Variants in WAC observed in about 807,000 individuals in gnomAD.
WAC encodes WW domain containing adaptor with coiled-coil.
WAC carries 11 observed loss-of-function variants against 79.6 expected under a neutral mutation model. The observed-to-expected ratio is 0.14, with a 90% CI of 0.09 to 0.23. WAC has a LOEUF of 0.23. WAC is among the 10% of genes least tolerant of loss of function. WAC has a pLI of 1.00. For missense variants in WAC, 728 were observed against 773.5 expected (o/e 0.94, Z 0.70); for synonymous variants, 304 against 276.9 (o/e 1.10, Z -0.97).
At chr10:28,614,742 AT>A in intron 11 of WAC, 57 bp downstream of exon 11, 1 of 1,305,904 alleles carries the variant, frequency 7.7e-7, no homozygotes, top group Non-Finnish European at 1.1e-6. Flanking sequence ...GGTACACTGC[AT>A]TGTTTGAATA....
intron 8 of WAC, among the ~76,000 whole-genome samples, chr10:28,610,194 A>G (rs767121752): frequency 7.2e-5 from 11 of 152,016 alleles, no homozygotes; most frequent in Admixed American, 2.0e-4. Context: ...CAGCCTCCCA[A>G]AGTGCTGGGT....
chr10:28,578,358 C>G (rs978934278), intron 3 of WAC, among the ~76,000 whole-genome samples: 3 of 152,052 alleles, frequency 2.0e-5, no homozygotes, highest in African/African-American at 7.2e-5. Context: ...ACAGATATAC[C>G]TGTTCCTTCC....
rs1361962525 is a variant in WAC at position 28,583,380 on chromosome 10, T to C, written c.275-19T>C. 1 of 1,538,432 alleles carries C rather than the reference T, an allele frequency of 6.5e-7. No homozygotes were observed. Among genetic ancestry groups the C allele is most frequent in the Non-Finnish European group, 8.8e-7 (1 of 1,136,498 alleles). On this transcript the variant is annotated intron_variant, in intron 3 of 13. Transcript: ENST00000354911. ...AATACAGTTTACTTGTAATTCACTT[T>C]GTTCTTTATTTTTTTAAGGGACCAG...
At chr10:28,542,064 C>T (rs764615025) in intron 3 of WAC, among the ~76,000 whole-genome samples, 3 of 152,164 alleles carry the variant, frequency 2.0e-5, no homozygotes, top group Non-Finnish European at 4.4e-5. Context: ...CTACTATCTT[C>T]CCCTTGTTTG....
chr10:28,545,891 T>G (rs1004292327), intron 3 of WAC, among the ~76,000 whole-genome samples: 1 of 152,244 alleles, frequency 6.6e-6, no homozygotes, highest in Non-Finnish European at 1.5e-5. Context: ...ACACCTCGTC[T>G]CTAGCATTAA....
At chr10:28,533,885 G>A in intron 1 of WAC, 113 bp from the exon 2 acceptor site, 1 of 1,352,842 alleles carries the variant, frequency 7.4e-7, no homozygotes, top group South Asian at 1.2e-5. Context: ...CTCGGCGCTG[G>A]GGCGCTCGGT....
intron 3 of WAC, among the ~76,000 whole-genome samples, chr10:28,580,647 C>T (rs1564398690): frequency 6.6e-6 from 1 of 152,046 alleles, no homozygotes; most frequent in African/African-American, 2.4e-5. Flanking sequence ...TCATGGAAAT[C>T]CCACTCTGCG....
intron 3 of WAC, among the ~76,000 whole-genome samples, chr10:28,565,484 T>G (rs1421588991): frequency 6.6e-6 from 1 of 152,196 alleles, no homozygotes; most frequent in Non-Finnish European, 1.5e-5. Flanking sequence ...GCAATCCTCT[T>G]GCCTCAGCCT....
At chr10:28,569,869 T>C (rs1042150775) in intron 3 of WAC, among the ~76,000 whole-genome samples, 16 of 152,226 alleles carry the variant, frequency 1.1e-4, no homozygotes, top group African/African-American at 3.6e-4. Flanking sequence ...GTTTAGGCAG[T>C]GTGGCAATAT....
At chr10:28,541,446 T>TA (rs1491220029) in intron 3 of WAC, among the ~76,000 whole-genome samples, 9 of 135,968 alleles carry the variant, frequency 6.6e-5, no homozygotes, top group African/African-American at 8.5e-5. Flanking sequence ...TTTTTTTTTT[T>TA]AAGACAGTCT....
rs541377525 is a variant in WAC at position 28,562,722 on chromosome 10, G to A, written c.275-20677G>A. Among the ~76,000 whole-genome samples, 233 of 152,314 alleles carry A rather than the reference G, an allele frequency of 1.5e-3. 1 individual carries two copies. The highest frequency in any genetic ancestry group is 2.4e-3 in the Non-Finnish European group (161 of 68,026). On this transcript the variant is annotated intron_variant, in intron 3 of 13. Coordinates refer to ENST00000354911, the MANE Select transcript of WAC (RefSeq NM_016628.5). ...AAACTAATTACATTATGGCTATACT[G>A]TAACCAAATATCAGATGTTGTATAA...
At chr10:28,572,161 A>AC (rs1446953201) in intron 3 of WAC, among the ~76,000 whole-genome samples, 2 of 125,576 alleles carry the variant, frequency 1.6e-5, no homozygotes, top group Non-Finnish European at 3.3e-5. Context: ...AGATGGTGAA[A>AC]CCCCATCTCT....
chr10:28,619,214 A>T (rs141194777), intron 13 of WAC, among the ~76,000 whole-genome samples: 2,920 of 152,300 alleles, frequency 0.019, 100 homozygotes, highest in African/African-American at 0.067. Context: ...CGGGAGGCGG[A>T]GATTGCAGTG....
intron 6 of WAC, among the ~76,000 whole-genome samples, chr10:28,595,342 AAAAG>A (rs1454658888): frequency 6.6e-6 from 1 of 152,206 alleles, no homozygotes; most frequent in Non-Finnish European, 1.5e-5. Flanking sequence ...CCTGTAGTGT[AAAAG>A]AACGAAGCAT....
intron 7 of WAC, among the ~76,000 whole-genome samples, chr10:28,603,963 A>ATG (rs1391815176): frequency 1.9e-3 from 20 of 10,450 alleles, no homozygotes; most frequent in South Asian, 4.3e-3. Context: ...GTATGTATGT[A>ATG]TATATATATA....
intron 10 of WAC, among the ~76,000 whole-genome samples, chr10:28,613,805 T>C (rs1841354692): frequency 1.3e-5 from 2 of 152,174 alleles, no homozygotes; most frequent in South Asian, 4.1e-4. Context: ...GCTTATATTT[T>C]AAACTGCTTT....
intron 3 of WAC, among the ~76,000 whole-genome samples, chr10:28,564,857 G>A (rs1021018713): frequency 6.6e-6 from 1 of 152,146 alleles, no homozygotes; most frequent in African/African-American, 2.4e-5. Context: ...TGCATGCAGT[G>A]TGTGTGTCTG....
intron 3 of WAC, among the ~76,000 whole-genome samples, chr10:28,538,723 C>A (rs140454997): frequency 1.3e-5 from 2 of 148,862 alleles, no homozygotes; most frequent in African/African-American, 2.5e-5. Context: ...GACCCTGTGT[C>A]TACTAAAAAA....
Position 28,572,464 on chromosome 10 carries a change from G to C in WAC, c.275-10935G>C, listed in dbSNP as rs146101014. Among the ~76,000 whole-genome samples, 273 of 152,154 alleles carry C rather than the reference G, an allele frequency of 1.8e-3. 1 individual carries two copies. The highest frequency in any genetic ancestry group is 6.3e-3 in the African/African-American group (261 of 41,512). On this transcript the variant is annotated intron_variant, in intron 3 of 13. Coordinates refer to ENST00000354911, the MANE Select transcript of WAC (RefSeq NM_016628.5). ...AAGCTGAGAAATCAAACATGACCAA[G>C]AAATAGAGTGGGAGATAGAGGAGAG...
Sources: allele counts gnomAD v4.1 joint callset (sites outside exome capture counted in the v4.1 genomes callset), GRCh38; gene constraint gnomAD v4.1.1; transcripts MANE v1.5; gene names NCBI Gene and HGNC (gene_info 2026-07-23, HGNC 2026-07-21).